TOM1L1: variants seen among roughly 807,000 people sequenced by gnomAD.
The protein encoded by TOM1L1 is TOM1-like protein 1.
TOM1L1 carries 64 observed loss-of-function variants against 63.4 expected under a neutral mutation model. That is an observed-to-expected ratio of 1.01 (90% CI 0.83 to 1.24). The LOEUF (loss-of-function observed/expected upper bound fraction) is 1.24. Among genes scored for constraint, TOM1L1 ranks in the 50% most tolerant of loss-of-function variants. The pLI is 0.00. For synonymous variants in TOM1L1, 166 were observed against 194.4 expected (o/e 0.85, Z 1.22); for missense variants, 536 against 567.0 (o/e 0.95, Z 0.55).
chr17:54,907,622 C>T (rs1054688548), intron 3 of TOM1L1, among the ~76,000 whole-genome samples: 4 of 152,086 alleles, frequency 2.6e-5, no homozygotes, highest in Non-Finnish European at 5.9e-5. Flanking sequence ...CACCTAATCC[C>T]GTCTCTCCTA....
At chr17:54,928,972 G>A (rs1458462846) in intron 7 of TOM1L1, among the ~76,000 whole-genome samples, 1 of 152,302 alleles carries the variant, frequency 6.6e-6, no homozygotes, top group East Asian at 1.9e-4. Context: ...GATTGTTTGA[G>A]ATTCTGAATG....
At chr17:54,938,762 T>A in intron 10 of TOM1L1, 162 bp from the exon 11 acceptor site, 1 of 511,170 alleles carries the variant, frequency 2.0e-6, no homozygotes. Context: ...AATCTCATGA[T>A]TTTAGGGTGA....
intron 14 of TOM1L1, among the ~76,000 whole-genome samples, chr17:54,950,953 C>T (rs1368909651): frequency 1.3e-5 from 2 of 152,174 alleles, no homozygotes; most frequent in East Asian, 3.9e-4. Flanking sequence ...ATGAATTCTA[C>T]AATGGACACC....
intron 7 of TOM1L1, among the ~76,000 whole-genome samples, chr17:54,929,826 GTAT>G (rs2048828339): frequency 6.6e-6 from 1 of 150,556 alleles, no homozygotes; most frequent in Non-Finnish European, 1.5e-5. Context: ...TTTTAGTCCA[GTAT>G]TATTTTCAAT....
intron 3 of TOM1L1, among the ~76,000 whole-genome samples, chr17:54,909,075 A>C (rs2143751128): frequency 6.6e-6 from 1 of 152,282 alleles, no homozygotes; most frequent in Non-Finnish European, 1.5e-5. Flanking sequence ...CCTGGGCAAC[A>C]TGGTAATACC....
intron 10 of TOM1L1, 25 bp downstream of exon 10, chr17:54,937,251 A>G: frequency 1.3e-6 from 2 of 1,528,408 alleles, no homozygotes; most frequent in Non-Finnish European, 1.8e-6. Flanking sequence ...AGGTCTTTTC[A>G]GACCAGCAGA....
chr17:54,930,132 G>A lies in TOM1L1; in HGVS notation c.780G>A (p.Val260=), dbSNP rs774820002. The change falls in exon 8 of 16, where the codon GTG becomes GTA. Residue 260 remains valine, a synonymous_variant. Coordinates refer to ENST00000575882, the MANE Select transcript of TOM1L1 (RefSeq NM_005486.3). ...GGATCATGGACCTGCTTGTGGTGGT[G>A]GAGAACGAAGATGTAACTGTTGAGC... ...QERIMDLLVV[V]ENEDVTVELI... 108 of 1,613,978 alleles carry A rather than the reference G, an allele frequency of 6.7e-5. 2 individuals carry two copies. The South Asian group carries it at 1.1e-3, about 17-fold the overall frequency.
At chr17:54,930,296 A>G (rs2048837740) in intron 8 of TOM1L1, 90 bp downstream of exon 8, 2 of 1,541,054 alleles carry the variant, frequency 1.3e-6, no homozygotes, top group Non-Finnish European at 1.8e-6. Context: ...CCTACAAGTG[A>G]CCCCTCTTTC....
At chr17:54,921,873 A>C (rs2048689591) in intron 7 of TOM1L1, among the ~76,000 whole-genome samples, 1 of 152,236 alleles carries the variant, frequency 6.6e-6, no homozygotes, top group South Asian at 2.1e-4. Context: ...AAACTTAGCT[A>C]CTAATAGCCT....
chr17:54,917,067 G>A (rs189462442), intron 7 of TOM1L1: 29 of 152,032 alleles, frequency 1.9e-4, no homozygotes, highest in Admixed American at 3.3e-4. Flanking sequence ...ATTTTTCTAC[G>A]TTAATATTTC....
chr17:54,909,460 A>G (rs1214862066), intron 3 of TOM1L1, among the ~76,000 whole-genome samples: 3 of 152,074 alleles, frequency 2.0e-5, no homozygotes, highest in Non-Finnish European at 4.4e-5. Flanking sequence ...TGGTTTGGAA[A>G]TTTACAGTGA....
intron 11 of TOM1L1, among the ~76,000 whole-genome samples, chr17:54,941,531 C>T (rs1315007012): frequency 6.6e-6 from 1 of 152,110 alleles, no homozygotes; most frequent in East Asian, 1.9e-4. Flanking sequence ...AGATTGAAGT[C>T]GCTTGGTAAA....
In TOM1L1 at chr17:54,941,570, T is replaced by C. The variant is rs78431045; in HGVS notation, c.1130+2550T>C. Among the ~76,000 whole-genome samples the C allele has an allele frequency of 6.6e-4, 101 of 152,302 alleles. 1 individual carries two copies. The highest frequency in any genetic ancestry group is 3.4e-3 in the Middle Eastern group (1 of 294). On this transcript the variant is annotated intron_variant, in intron 11 of 15. Transcript: ENST00000575882. ...TGTGGTTTAAAATAGCTGATTCTGT[T>C]TGTGTTATCTTGCTAATCTTGTTGG...
chr17:54,949,022 A>C (rs2049166225), intron 12 of TOM1L1, among the ~76,000 whole-genome samples: 1 of 152,160 alleles, frequency 6.6e-6, no homozygotes, highest in Non-Finnish European at 1.5e-5. Context: ...GCATAAAATC[A>C]GACAAAAATA....
intron 5 of TOM1L1, 36 bp downstream of exon 5, chr17:54,913,909 T>C (rs745532870): frequency 1.3e-6 from 2 of 1,581,462 alleles, no homozygotes; most frequent in South Asian, 2.3e-5. Flanking sequence ...GAGACTATAG[T>C]AGTGTATCAC....
At chr17:54,943,334 G>A (rs2049061231) in intron 11 of TOM1L1, among the ~76,000 whole-genome samples, 1 of 151,812 alleles carries the variant, frequency 6.6e-6, no homozygotes, top group African/African-American at 2.4e-5. Context: ...GTTATTCTAT[G>A]TGTTCCTTTT....
chr17:54,911,238 C>T (rs894101333), intron 3 of TOM1L1, among the ~76,000 whole-genome samples: 3 of 152,122 alleles, frequency 2.0e-5, no homozygotes, highest in Non-Finnish European at 2.9e-5. Context: ...CAAAGGGGTG[C>T]CTTATGTATT....
At chr17:54,929,922 A>C (rs1054727504) in intron 7 of TOM1L1, 151 bp from the exon 8 acceptor site, 3 of 841,478 alleles carry the variant, frequency 3.6e-6, no homozygotes, top group Non-Finnish European at 5.5e-6. Context: ...TCCAATAGGA[A>C]GGATAAGCTG....
At chr17:54,951,641 T>A (rs2049242330) in intron 14 of TOM1L1, among the ~76,000 whole-genome samples, 3 of 152,176 alleles carry the variant, frequency 2.0e-5, no homozygotes, top group Admixed American at 2.0e-4. Context: ...CAAAAACCAG[T>A]ATGTATCATA....
Sources: allele counts gnomAD v4.1 joint callset (sites outside exome capture counted in the v4.1 genomes callset), GRCh38; gene constraint gnomAD v4.1.1; transcripts MANE v1.5; gene names NCBI Gene and HGNC (gene_info 2026-07-23, HGNC 2026-07-21).